The following TRAPPC9 variants were observed in gnomAD, a reference collection of about 807,000 sequenced individuals.
TRAPPC9 encodes IKK2 binding protein.
TRAPPC9 carries 83 observed loss-of-function variants against 124.0 expected under a neutral mutation model. The observed-to-expected ratio is 0.67, with a 90% confidence interval of 0.56 to 0.80. The LOEUF is 0.80. Ranked by LOEUF, TRAPPC9 falls within the 30% of genes least tolerant of loss-of-function variation. TRAPPC9 has a pLI of 0.00. For synonymous variants in TRAPPC9, 638 were observed against 617.5 expected (o/e 1.03, Z -0.49); for missense variants, 1,302 against 1,508.3 (o/e 0.86, Z 2.27).
At chr8:140,307,214 G>A (rs1042462421) in intron 10 of TRAPPC9, among the ~76,000 whole-genome samples, 2 of 152,188 alleles carry the variant, frequency 1.3e-5, no homozygotes, top group Non-Finnish European at 2.9e-5. Context: ...GAGGCCTGGA[G>A]GTGATGAGCC....
chr8:139,830,481 TAC>T (rs1825912867), intron 21 of TRAPPC9, among the ~76,000 whole-genome samples: 1 of 149,804 alleles, frequency 6.7e-6, no homozygotes. Context: ...AACACATGCG[TAC>T]ACAGATACAA....
chr8:140,300,765 A>G, intron 10 of TRAPPC9, 151 bp from the exon 11 acceptor site: 1 of 925,960 alleles, frequency 1.1e-6, no homozygotes, highest in Non-Finnish European at 1.7e-6. Flanking sequence ...GCATCAGGAC[A>G]CAGCAAGGAA....
In TRAPPC9 at chr8:139,943,357, G is replaced by A. The variant is rs191456352; in HGVS notation, c.2811-33057C>T. Among the ~76,000 whole-genome samples, 405 of 152,286 alleles carry A rather than the reference G, an allele frequency of 2.7e-3. 3 individuals carry two copies. The highest frequency in any genetic ancestry group is 9.4e-3 in the South Asian group (45 of 4,812). ...GCTGGGATTACAGGCATGAACCACT[G>A]TGCCCAGCCGAGGTGGAGTTTTCAA... On this transcript the variant is annotated intron_variant, in intron 19 of 22. Transcript: ENST00000438773.
At position 139,971,768 on chromosome 8, in the gene TRAPPC9, T is replaced by C. The variant is rs2319582; in HGVS notation, c.2810+16958A>G. On this transcript the variant is annotated intron_variant, in intron 19 of 22. Coordinates refer to ENST00000438773, the MANE Select transcript of TRAPPC9 (RefSeq NM_001160372.4). ...ATATATACACACACACACACACATA[T>C]ATATATACACACACATATATACACA... 6.0e-4 allele frequency among the ~76,000 whole-genome samples: 17 copies of C among 28,518 alleles called. 1 individual carries two copies. The highest frequency in any genetic ancestry group is 2.1e-3 in the African/African-American group (16 of 7,650). The allele number at this position is 28,518 out of a possible 152,430, so 18.7% of individuals were successfully genotyped here.
chr8:139,836,017 TA>T (rs61070801), intron 21 of TRAPPC9, among the ~76,000 whole-genome samples: 8,532 of 102,456 alleles, frequency 0.083, 342 homozygotes, highest in African/African-American at 0.23. Flanking sequence ...TTTATTTATT[TA>T]TTTTTTTTGA....
intron 21 of TRAPPC9, among the ~76,000 whole-genome samples, chr8:139,768,864 A>T (rs994791656): frequency 2.0e-5 from 3 of 152,212 alleles, no homozygotes; most frequent in South Asian, 2.1e-4. Flanking sequence ...CTTCAAAGAC[A>T]TACAAAGTAA....
intron 16 of TRAPPC9, among the ~76,000 whole-genome samples, chr8:140,240,302 T>C (rs1283860221): frequency 1.3e-5 from 2 of 152,206 alleles, no homozygotes; most frequent in African/African-American, 4.8e-5. Flanking sequence ...ACGAAACTAC[T>C]TGACCTGCTA....
At chr8:140,350,586 AC>A (rs1323140518) in intron 9 of TRAPPC9, among the ~76,000 whole-genome samples, 1 of 151,722 alleles carries the variant, frequency 6.6e-6, no homozygotes, top group Non-Finnish European at 1.5e-5. Context: ...AGACTGGGAA[AC>A]GCAAAGCGGC....
chr8:139,755,060 C>T (rs189261383), intron 21 of TRAPPC9, among the ~76,000 whole-genome samples: 1 of 152,200 alleles, frequency 6.6e-6, no homozygotes, highest in African/African-American at 2.4e-5. Flanking sequence ...ATGAGATGGC[C>T]CTCGGCCAGC....
intron 10 of TRAPPC9, among the ~76,000 whole-genome samples, chr8:140,302,190 C>A (rs570299405): frequency 7.6e-4 from 116 of 152,310 alleles, no homozygotes; most frequent in African/African-American, 2.5e-3. Flanking sequence ...CATCCCAGCC[C>A]CGGGGAGCCT....
chr8:139,804,421 C>A (rs1164684233), intron 21 of TRAPPC9, among the ~76,000 whole-genome samples: 1 of 139,230 alleles, frequency 7.2e-6, no homozygotes, highest in African/African-American at 2.7e-5. Flanking sequence ...CACCACCCAC[C>A]ACCGCCACCA....
chr8:140,120,685 C>CCAA (rs2060968981), intron 17 of TRAPPC9, among the ~76,000 whole-genome samples: 1 of 151,554 alleles, frequency 6.6e-6, no homozygotes, highest in Non-Finnish European at 1.5e-5. Flanking sequence ...CAACATCCAT[C>CCAA]CATCCATCCA....
intron 5 of TRAPPC9, among the ~76,000 whole-genome samples, chr8:140,421,399 T>C (rs1440735454): frequency 6.6e-6 from 1 of 152,236 alleles, no homozygotes; most frequent in Non-Finnish European, 1.5e-5. Flanking sequence ...TTAACGAATT[T>C]ACTCTGTTGT....
intron 17 of TRAPPC9, among the ~76,000 whole-genome samples, chr8:140,116,736 C>A (rs1357371419): frequency 6.6e-6 from 1 of 152,144 alleles, no homozygotes; most frequent in African/African-American, 2.4e-5. Flanking sequence ...AGCGGACAAG[C>A]TAGAGAGAAG....
intron 21 of TRAPPC9, among the ~76,000 whole-genome samples, chr8:139,799,690 G>A (rs558090449): frequency 6.6e-6 from 1 of 152,348 alleles, no homozygotes; most frequent in East Asian, 1.9e-4. Flanking sequence ...AAGGAGCACG[G>A]AAGAGCTCCC....
chr8:139,771,394 T>G (rs1049630126), intron 21 of TRAPPC9, among the ~76,000 whole-genome samples: 1 of 152,162 alleles, frequency 6.6e-6, no homozygotes, highest in Non-Finnish European at 1.5e-5. Context: ...GGATCCCATG[T>G]GTAGAAACAC....
At chr8:139,910,792 T>A (rs1210077340) in intron 19 of TRAPPC9, among the ~76,000 whole-genome samples, 1 of 149,488 alleles carries the variant, frequency 6.7e-6, no homozygotes, top group Non-Finnish European at 1.5e-5. Flanking sequence ...CAGCCCCCCC[T>A]CAGCTCTCAT....
intron 21 of TRAPPC9, among the ~76,000 whole-genome samples, chr8:139,885,132 G>C (rs960008791): frequency 3.3e-5 from 5 of 152,230 alleles, no homozygotes; most frequent in African/African-American, 1.2e-4. Context: ...GCAACTGACT[G>C]TCTGCAGGGG....
intron 10 of TRAPPC9, among the ~76,000 whole-genome samples, chr8:140,306,492 CAAAA>C (rs11447991): frequency 8.7e-6 from 1 of 115,466 alleles, no homozygotes; most frequent in Non-Finnish European, 1.8e-5. Context: ...GACTCTGTCT[CAAAA>C]AAAAAAAAAA....
Sources: allele counts gnomAD v4.1 joint callset (sites outside exome capture counted in the v4.1 genomes callset), GRCh38; gene constraint gnomAD v4.1.1; transcripts MANE v1.5; gene names NCBI Gene and HGNC (gene_info 2026-07-23, HGNC 2026-07-21).